STK10: variants seen among roughly 807,000 people sequenced by gnomAD.
STK10 encodes the protein serine/threonine-protein kinase 10.
Under a neutral mutation model 113.8 loss-of-function variants are expected in STK10, and 78 were observed. The observed-to-expected ratio is 0.69, with a 90% confidence interval of 0.57 to 0.83. STK10 has a LOEUF of 0.83. Ranked by LOEUF, STK10 falls within the 40% of genes least tolerant of loss-of-function variation. STK10 has a pLI of 0.00. For synonymous variants in STK10, 465 were observed against 494.7 expected (o/e 0.94, Z 0.80); for missense variants, 1,109 against 1,280.1 (o/e 0.87, Z 2.04).
At chr5:172,121,871 AC>A (rs1769518589) in intron 3 of STK10, among the ~76,000 whole-genome samples, 1 of 91,562 alleles carries the variant, frequency 1.1e-5, no homozygotes, top group African/African-American at 4.0e-5. Flanking sequence ...TAGCTAATAT[AC>A]TTTTTTTTTT....
intron 12 of STK10, among the ~76,000 whole-genome samples, chr5:172,073,065 C>T (rs1167939541): frequency 1.3e-5 from 2 of 152,178 alleles, no homozygotes; most frequent in African/African-American, 2.4e-5. Context: ...CCTCGAACTC[C>T]TGGGCTCAAG....
At chr5:172,180,547 T>A (rs139771625) in intron 1 of STK10, among the ~76,000 whole-genome samples, 1 of 151,638 alleles carries the variant, frequency 6.6e-6, no homozygotes. Flanking sequence ...TCCCAGCACT[T>A]TGGGAGGCCG....
At chr5:172,180,448 G>C (rs1244469448) in intron 1 of STK10, among the ~76,000 whole-genome samples, 1 of 152,058 alleles carries the variant, frequency 6.6e-6, no homozygotes, top group African/African-American at 2.4e-5. Context: ...CTGGGCGACA[G>C]AGCAAGACTT....
At chr5:172,108,331 G>A (rs1769161451) in intron 4 of STK10, 1 of 152,900 alleles carries the variant, frequency 6.5e-6, no homozygotes, top group African/African-American at 2.4e-5. Flanking sequence ...TAAGAAAAAT[G>A]GAGGCCAGGC....
chr5:172,125,120 CAT>C (rs1327280821), intron 3 of STK10, among the ~76,000 whole-genome samples: 1 of 152,192 alleles, frequency 6.6e-6, no homozygotes, highest in East Asian at 1.9e-4. Context: ...CCTCAGTAAA[CAT>C]AGGGATGTCC....
intron 1 of STK10, among the ~76,000 whole-genome samples, chr5:172,163,940 G>A (rs1053696626): frequency 3.3e-5 from 5 of 152,060 alleles, no homozygotes; most frequent in African/African-American, 1.2e-4. Context: ...GGCCAGGCGC[G>A]GTGGCTGACC....
rs1032041117 is a variant in STK10 at position 172,188,133 on chromosome 5, G to C, written c.-91C>G. The C allele has an allele frequency of 2.0e-6, 3 of 1,514,060 alleles. No homozygotes were observed. Among genetic ancestry groups the C allele is most frequent in the Non-Finnish European group, 1.8e-6 (2 of 1,129,856 alleles). The allele number at this position is 1,514,060 out of a possible 1,614,324, so 93.8% of individuals were successfully genotyped here. A position where few individuals can be genotyped will look rare whatever the true frequency, so the allele number is the denominator to read the frequency against. On this transcript the variant is annotated 5_prime_UTR_variant, in exon 1 of 19. Transcript: ENST00000176763. This position sits in a 1 kb window ranked among gnomAD's most constrained non-coding sequence, Gnocchi z 5.6. ...CGAGGAGAAGGAGGAGGAGTTGGAGGACGCCGCGTCTCTCGGGGTTCTCCC... is the reference window on the plus strand; with the variant it reads ...CGAGGAGAAGGAGGAGGAGTTGGAGCACGCCGCGTCTCTCGGGGTTCTCCC...
At chr5:172,174,216 G>A (rs981438867) in intron 1 of STK10, among the ~76,000 whole-genome samples, 1 of 152,068 alleles carries the variant, frequency 6.6e-6, no homozygotes, top group East Asian at 1.9e-4. Flanking sequence ...TTGTTGACCA[G>A]GCTGGAGTGC....
At chr5:172,101,846 G>T (rs1768996891) in intron 7 of STK10, among the ~76,000 whole-genome samples, 1 of 152,176 alleles carries the variant, frequency 6.6e-6, no homozygotes, top group African/African-American at 2.4e-5. Context: ...GGCATGGACA[G>T]CCAGTGCCAA....
At chr5:172,060,686 T>C (rs1017542122) in intron 14 of STK10, among the ~76,000 whole-genome samples, 7 of 152,206 alleles carry the variant, frequency 4.6e-5, no homozygotes, top group African/African-American at 1.4e-4. Context: ...CTAAGATACT[T>C]GGCCAAAGAA....
At chr5:172,091,574 A>C (rs1221975237) in intron 9 of STK10, among the ~76,000 whole-genome samples, 1 of 138,712 alleles carries the variant, frequency 7.2e-6, no homozygotes, top group Non-Finnish European at 1.5e-5. Flanking sequence ...TCTGTTGCCC[A>C]GGCTGGAGTG....
At chr5:172,063,623 C>T (rs1255472761) in intron 13 of STK10, 2 of 152,212 alleles carry the variant, frequency 1.3e-5, no homozygotes, top group African/African-American at 4.8e-5. Flanking sequence ...TGTGCCCCGC[C>T]CTCACCAGTC....
chr5:172,052,784 C>G (rs563354637), intron 18 of STK10, 145 bp downstream of exon 18: 12 of 754,326 alleles, frequency 1.6e-5, no homozygotes, highest in Non-Finnish European at 1.7e-5. Flanking sequence ...GAAAGTTCCC[C>G]TCTCTCTCAG....
chr5:172,049,535 G>A (rs1767580794), intron 18 of STK10, among the ~76,000 whole-genome samples: 2 of 152,046 alleles, frequency 1.3e-5, no homozygotes, highest in South Asian at 4.1e-4. Flanking sequence ...TCGGGGATGA[G>A]ACTCACGGGA....
chr5:172,182,742 C>T (rs911499481), intron 1 of STK10, among the ~76,000 whole-genome samples: 10 of 151,928 alleles, frequency 6.6e-5, no homozygotes, highest in South Asian at 2.1e-4. Flanking sequence ...TCCGTAGAGA[C>T]GGGGTTTCAC....
intron 2 of STK10, among the ~76,000 whole-genome samples, chr5:172,134,774 A>G (rs1180450875): frequency 6.6e-6 from 1 of 151,324 alleles, no homozygotes; most frequent in Non-Finnish European, 1.5e-5. Context: ...AAAAATTTTC[A>G]TTAGCGGGGT....
At chr5:172,053,313 A>G in intron 17 of STK10, 1 of 368,364 alleles carries the variant, frequency 2.7e-6, no homozygotes, top group Non-Finnish European at 5.0e-6. Context: ...ATACAGCAAG[A>G]AGGCAGCTGT....
chr5:172,087,929 T>G (rs1768608739), intron 10 of STK10, among the ~76,000 whole-genome samples: 2 of 151,190 alleles, frequency 1.3e-5, no homozygotes, highest in Non-Finnish European at 2.9e-5. Flanking sequence ...CGCCCGGCCT[T>G]AAATTTATTT....
At chr5:172,138,522 TATAAG>T (rs146971922) in intron 2 of STK10, among the ~76,000 whole-genome samples, 19,509 of 152,094 alleles carry the variant, frequency 0.13, 1,333 homozygotes, top group Non-Finnish European at 0.14. Context: ...TAGTTGCAGG[TATAAG>T]ATAAGCACAC....
Sources: gnomAD v4.1 joint callset for allele counts (sites outside exome capture counted in the v4.1 genomes callset) on GRCh38, gnomAD v4.1.1 for gene constraint, Gnocchi (gnomAD v3.1) non-coding constraint, MANE v1.5 for transcripts, NCBI Gene and HGNC (gene_info 2026-07-23, HGNC 2026-07-21) for gene names.